Variants in FAT3 observed in about 807,000 individuals in gnomAD.
The protein encoded by FAT3 is protocadherin Fat 3.
Under a neutral mutation model 310.2 loss-of-function variants are expected in FAT3, and 95 were observed. That is an observed-to-expected ratio of 0.31 (90% confidence interval 0.26 to 0.36). FAT3 has a LOEUF of 0.36. Among genes scored for constraint, FAT3 ranks in the 10% least tolerant of loss-of-function variants. The probability of loss-of-function intolerance (pLI) is 1.00; values close to 1 mark genes in which losing one functional copy is unlikely to be tolerated. For missense variants in FAT3, 5,408 were observed against 5,715.6 expected (o/e 0.95, Z 1.74); for synonymous variants, 2,314 against 2,192.9 (o/e 1.06, Z -1.54).
chr11:92,808,105 G>T (rs1387928706), intron 12 of FAT3, among the ~76,000 whole-genome samples: 1 of 152,128 alleles, frequency 6.6e-6, no homozygotes, highest in Admixed American at 6.5e-5. Flanking sequence ...TATTCAAAAG[G>T]TAACATTTAT....
At chr11:92,687,062 A>G (rs1238239955) in intron 3 of FAT3, among the ~76,000 whole-genome samples, 1 of 152,168 alleles carries the variant, frequency 6.6e-6, no homozygotes, top group East Asian at 1.9e-4. Context: ...TCCAGATACA[A>G]TAAGGTTTTC....
intron 18 of FAT3, 136 bp from the exon 19 acceptor site, chr11:92,843,798 A>G: frequency 1.2e-6 from 1 of 837,094 alleles, no homozygotes; most frequent in Non-Finnish European, 1.9e-6. Flanking sequence ...CATCCTCAGC[A>G]TTTTTCAGAA....
At chr11:92,646,473 C>A (rs1354482018) in intron 3 of FAT3, among the ~76,000 whole-genome samples, 9 of 152,196 alleles carry the variant, frequency 5.9e-5, no homozygotes, top group Non-Finnish European at 1.3e-4. Context: ...TAATTAGACT[C>A]TTCTTCTCCA....
chr11:92,798,650 C>A lies in FAT3; in HGVS notation c.5637C>A (p.Asn1879Lys). ...VNIEVTDVND[N>K]PPVFTQAVFE... ...TTGAGGTGACAGATGTGAATGATAACCCACCTGTTTTTACTCAGGCTGTGT... is the reference window on the plus strand; with the variant it reads ...TTGAGGTGACAGATGTGAATGATAAACCACCTGTTTTTACTCAGGCTGTGT... Residue 1879 changes from asparagine to lysine, a missense_variant, in exon 10 of 28, where the codon AAC becomes AAA. Transcript: ENST00000525166. 1.2e-6 allele frequency: 2 copies of A among 1,613,738 alleles called. No homozygotes were observed. The highest frequency in any genetic ancestry group is 1.7e-6 in the Non-Finnish European group (2 of 1,179,840).
In FAT3 at chr11:92,224,863, C is replaced by T. The variant is rs1863835710; in HGVS notation, c.-329C>T. ...CTCGGAGCAGACAGGAGAGCCGGCG[C>T]TCCTCCCCGCAGGCTGCGCTGTGAA... On this transcript the variant is annotated 5_prime_UTR_variant, in exon 1 of 28. Transcript: ENST00000525166. 6.6e-6 allele frequency among the ~76,000 whole-genome samples: 1 copy of T among 152,082 alleles called. No homozygotes were observed. Among genetic ancestry groups the T allele is most frequent in the Non-Finnish European group, 1.5e-5 (1 of 68,010 alleles).
chr11:92,460,911 ATGT>A (rs1951621916), intron 2 of FAT3, among the ~76,000 whole-genome samples: 1 of 152,204 alleles, frequency 6.6e-6, no homozygotes, highest in Non-Finnish European at 1.5e-5. Context: ...CACTACAGAC[ATGT>A]TGTGAAATCA....
At chr11:92,832,886 C>T (rs976379345) in intron 14 of FAT3, among the ~76,000 whole-genome samples, 4 of 152,130 alleles carry the variant, frequency 2.6e-5, no homozygotes, top group East Asian at 1.9e-4. Context: ...TAGACTCCAT[C>T]GGTGAGCTGG....
intron 3 of FAT3, among the ~76,000 whole-genome samples, chr11:92,604,448 G>A (rs11607978): frequency 5.3e-5 from 8 of 152,106 alleles, no homozygotes; most frequent in Non-Finnish European, 1.2e-4. Flanking sequence ...CAGGTGATTA[G>A]TTGATAATCC....
chr11:92,421,962 T>C (rs900997078), intron 2 of FAT3, among the ~76,000 whole-genome samples: 1 of 152,162 alleles, frequency 6.6e-6, no homozygotes, highest in Non-Finnish European at 1.5e-5. Flanking sequence ...AGCCAACAAG[T>C]GTGATGGAAC....
intron 12 of FAT3, among the ~76,000 whole-genome samples, chr11:92,807,125 G>C (rs1947526225): frequency 1.3e-5 from 2 of 152,126 alleles, no homozygotes. Context: ...TTTCTATGGA[G>C]GGGGATCTTA....
chr11:92,468,872 C>G (rs946314959), intron 2 of FAT3, among the ~76,000 whole-genome samples: 1 of 152,152 alleles, frequency 6.6e-6, no homozygotes, highest in African/African-American at 2.4e-5. Flanking sequence ...GGGACACAGC[C>G]ATATCATATC....
At position 92,844,140 on chromosome 11, in the gene FAT3, G is replaced by A. The variant is rs762497014; in HGVS notation, c.10773G>A (p.Glu3591=). The A allele has an allele frequency of 2.5e-6, 4 of 1,613,994 alleles. No homozygotes were observed. Among genetic ancestry groups the A allele is most frequent in the South Asian group, 2.2e-5 (2 of 91,082 alleles). Residue 3591 remains glutamate (E), a synonymous_variant, in exon 19 of 28, where the codon GAG becomes GAA. Transcript: ENST00000525166. ...TGCTCACATTTGCCCTGAAATCGGA[G>A]CAGAAAAGCTTATTTAAAGTGAACA... ...YDVLTFALKS[E]QKSLFKVNSH... is the part of the protein sequence containing the mutation.
intron 4 of FAT3, among the ~76,000 whole-genome samples, chr11:92,756,595 T>A (rs985431519): frequency 6.6e-6 from 1 of 152,190 alleles, no homozygotes; most frequent in Non-Finnish European, 1.5e-5. Context: ...TAGACACTCT[T>A]GTAATCACTG....
At chr11:92,705,449 GA>G (rs2135930602) in intron 4 of FAT3, among the ~76,000 whole-genome samples, 1 of 81,452 alleles carries the variant, frequency 1.2e-5, no homozygotes, top group Non-Finnish European at 3.2e-5. Context: ...GTGGTGGTGT[GA>G]TGGTGGTGTG....
chr11:92,475,433 T>C lies in FAT3; in HGVS notation c.3293-49201T>C, dbSNP rs201930786. 7.2e-5 allele frequency among the ~76,000 whole-genome samples: 11 copies of C among 151,988 alleles called. No individual in the cohort carries two copies. The East Asian group carries it at 2.1e-3, about 30-fold the overall frequency. On this transcript the variant is annotated intron_variant, in intron 2 of 27. Coordinates refer to ENST00000525166, the MANE Select transcript of FAT3 (RefSeq NM_001367949.2). ...AGGATGCTACCCTGGCTTTTTTTCA[T>C]TGTGGGATCCTAGGGTCAGAGGGAA...
chr11:92,403,859 ACCC>A (rs1950077275), intron 2 of FAT3, among the ~76,000 whole-genome samples: 3 of 152,106 alleles, frequency 2.0e-5, no homozygotes, highest in Non-Finnish European at 4.4e-5. Flanking sequence ...ACATGGTGAA[ACCC>A]CGTCTCTATG....
Position 92,805,171 on chromosome 11 carries a change from G to A in FAT3, c.8915G>A (p.Arg2972Lys), listed in dbSNP as rs2136198692. The A allele has an allele frequency of 6.2e-7, 1 of 1,611,644 alleles. No homozygotes were observed. Among genetic ancestry groups the A allele is most frequent in the Non-Finnish European group, 8.5e-7 (1 of 1,178,420 alleles). Residue 2972 changes from arginine to lysine, a missense_variant, in exon 11 of 28, where the codon AGG becomes AAG. Transcript: ENST00000525166. ...ACTGCAGGAGGAAACCCTCGAGGAAGGTTTGCTCTGGGCCTGGTGCAAAGT... is the reference window on the plus strand; with the variant it reads ...ACTGCAGGAGGAAACCCTCGAGGAAAGTTTGCTCTGGGCCTGGTGCAAAGT... Reference protein sequence around the residue: ...YHITGGNPRGRFALGLVQSEW... With the variant: ...YHITGGNPRGKFALGLVQSEW...
At chr11:92,375,646 T>C (rs1413512512) in intron 2 of FAT3, among the ~76,000 whole-genome samples, 1 of 152,102 alleles carries the variant, frequency 6.6e-6, no homozygotes, top group Non-Finnish European at 1.5e-5. Flanking sequence ...GCATTTGAGG[T>C]CTTAGGTTTT....
intron 2 of FAT3, among the ~76,000 whole-genome samples, chr11:92,467,107 G>T (rs1283661075): frequency 6.6e-6 from 1 of 152,038 alleles, no homozygotes; most frequent in Non-Finnish European, 1.5e-5. Context: ...GTAATGGGAT[G>T]GCTGGGTCAA....
Sources: gnomAD v4.1 joint callset for allele counts (sites outside exome capture counted in the v4.1 genomes callset) on GRCh38, gnomAD v4.1.1 for gene constraint, MANE v1.5 for transcripts, NCBI Gene and HGNC (gene_info 2026-07-23, HGNC 2026-07-21) for gene names.